The following ATF7IP variants were observed in gnomAD, a reference collection of about 807,000 sequenced individuals.
ATF7IP encodes activating transcription factor 7 interacting protein.
A neutral mutation model predicts 106.4 loss-of-function variants in ATF7IP; 23 were observed. The ratio of observed to expected loss-of-function variants is 0.22; its 90% CI spans 0.16 to 0.31. The LOEUF is 0.31. ATF7IP is among the 10% of genes least tolerant of loss of function. ATF7IP has a pLI of 1.00. For synonymous variants in ATF7IP, 542 were observed against 539.0 expected (o/e 1.01, Z -0.08); for missense variants, 1,334 against 1,524.3 (o/e 0.88, Z 2.08).
intron 1 of ATF7IP, among the ~76,000 whole-genome samples, chr12:14,404,426 A>G (rs1413137724): frequency 6.6e-6 from 1 of 152,180 alleles, no homozygotes; most frequent in Non-Finnish European, 1.5e-5. Context: ...AAATCAACCT[A>G]TCTTTATTAT....
chr12:14,401,873 C>G (rs565543274), intron 1 of ATF7IP, among the ~76,000 whole-genome samples: 156 of 151,768 alleles, frequency 1.0e-3, no homozygotes, highest in African/African-American at 3.6e-3. Flanking sequence ...ACCACCATGC[C>G]TGGCTAATTT....
Position 14,460,887 on chromosome 12 carries a change from C to A in ATF7IP, c.2551C>A (p.Pro851Thr). The change falls in exon 9 of 15, where the codon CCC becomes ACC. Residue 851 changes from proline to threonine, a missense_variant. By Grantham distance (38) the Pro-to-Thr change is conservative. Coordinates refer to ENST00000261168, the MANE Select transcript of ATF7IP (RefSeq NM_018179.5). ...PTKPNNVPSV[P>T]SPSIQRNPTA... ...TAAACCAAACAACGTTCCTTCTGTG[C>A]CCAGTCCTAGTATTCAAAGGAACCC... 1 of 1,614,170 alleles carries A rather than the reference C, an allele frequency of 6.2e-7. No homozygotes were observed. The highest frequency in any genetic ancestry group is 8.5e-7 in the Non-Finnish European group (1 of 1,180,024).
intron 14 of ATF7IP, 132 bp downstream of exon 14, chr12:14,496,475 T>C: frequency 3.3e-6 from 2 of 605,078 alleles, no homozygotes; most frequent in Non-Finnish European, 5.9e-6. Flanking sequence ...CAGAAGTTTA[T>C]TTCTAAAAAT....
chr12:14,427,092 T>C (rs2136566287), intron 2 of ATF7IP, among the ~76,000 whole-genome samples: 1 of 150,386 alleles, frequency 6.6e-6, no homozygotes, highest in African/African-American at 2.5e-5. Flanking sequence ...TTGCCCCTTT[T>C]AATATCTGTA....
intron 6 of ATF7IP, among the ~76,000 whole-genome samples, chr12:14,455,939 T>C (rs1482055022): frequency 6.6e-6 from 1 of 152,144 alleles, no homozygotes; most frequent in Non-Finnish European, 1.5e-5. Flanking sequence ...GAGGCCTAAA[T>C]AATGATAGTT....
chr12:14,426,823 C>CA lies in ATF7IP; in HGVS notation c.1558+1377dup, dbSNP rs1491532843. ...TGGGTGACAAAGTAAGACCCTGCCTCAAAAAAAAAAAAAAAAAAAAAAAAA... is the reference window on the plus strand; with the variant it reads ...TGGGTGACAAAGTAAGACCCTGCCTCAAAAAAAAAAAAAAAAAAAAAAAAAA... On this transcript the variant is annotated intron_variant, in intron 2 of 14. Transcript: ENST00000261168. Among the ~76,000 whole-genome samples the CA allele has an allele frequency of 4.6e-3, 74 of 16,050 alleles. 3 individuals carry two copies. Among genetic ancestry groups the CA allele is most frequent in the Non-Finnish European group, 4.0e-3 (38 of 9,616 alleles). The allele number at this position is 16,050 out of a possible 152,430, so 10.5% of individuals were successfully genotyped here.
At chr12:14,490,844 G>C (rs905284509) in intron 13 of ATF7IP, among the ~76,000 whole-genome samples, 1 of 152,148 alleles carries the variant, frequency 6.6e-6, no homozygotes, top group Non-Finnish European at 1.5e-5. Flanking sequence ...GAATGCTGCT[G>C]TGCATGACCC....
intron 1 of ATF7IP, among the ~76,000 whole-genome samples, chr12:14,380,106 C>T (rs1938936581): frequency 2.0e-5 from 3 of 152,042 alleles, no homozygotes; most frequent in Non-Finnish European, 4.4e-5. Flanking sequence ...CTTTATCATC[C>T]AGTCCTATTG....
At chr12:14,480,293 T>C (rs1162085698) in intron 12 of ATF7IP, among the ~76,000 whole-genome samples, 1 of 152,186 alleles carries the variant, frequency 6.6e-6, no homozygotes, top group East Asian at 1.9e-4. Flanking sequence ...CTAAAAATCA[T>C]TATTATAGAT....
At chr12:14,412,274 AT>A (rs758102983) in intron 1 of ATF7IP, among the ~76,000 whole-genome samples, 6 of 152,118 alleles carry the variant, frequency 3.9e-5, no homozygotes, top group African/African-American at 4.8e-5. Context: ...GGACCCTTGC[AT>A]TTTCATATTA....
Position 14,424,921 on chromosome 12 carries a change from G to T in ATF7IP, c.1006G>T (p.Asp336Tyr), listed in dbSNP as rs1390395149. The change falls in exon 2 of 15, where the codon GAT becomes TAT. Residue 336 changes from aspartate to tyrosine, a missense_variant. This residue lies in a region of ATF7IP where 438 missense variants were observed against 405.3 expected (regional missense o/e 1.08). Coordinates refer to ENST00000261168, the MANE Select transcript of ATF7IP (RefSeq NM_018179.5). The part of the protein sequence containing the change: ...LEQIQSKDSL[D>Y]EKNKADNNID... ...GCAAATTCAGAGTAAAGACTCATTG[G>T]ATGAGAAAAATAAAGCTGATAATAA... 1 of 1,604,876 alleles carries T rather than the reference G, an allele frequency of 6.2e-7. No homozygotes were observed. The highest frequency in any genetic ancestry group is 1.7e-5 in the Admixed American group (1 of 57,576).
At chr12:14,457,147 C>G in intron 7 of ATF7IP, 60 bp from the exon 8 acceptor site, 1 of 1,374,526 alleles carries the variant, frequency 7.3e-7, no homozygotes, top group Non-Finnish European at 1.0e-6. Context: ...TTCTAGATAT[C>G]AGTTGGTATT....
intron 1 of ATF7IP, among the ~76,000 whole-genome samples, chr12:14,377,559 G>T (rs1322727394): frequency 6.6e-6 from 1 of 151,312 alleles, no homozygotes; most frequent in Non-Finnish European, 1.5e-5. Context: ...GTTTCACTGT[G>T]TTAGCCAGGA....
chr12:14,400,585 C>T (rs913000295), intron 1 of ATF7IP, among the ~76,000 whole-genome samples: 3 of 151,078 alleles, frequency 2.0e-5, no homozygotes, highest in African/African-American at 7.3e-5. Flanking sequence ...TTTTTAATTC[C>T]TGGGATATTA....
chr12:14,399,782 C>T (rs1464940683), intron 1 of ATF7IP, among the ~76,000 whole-genome samples: 1 of 151,948 alleles, frequency 6.6e-6, no homozygotes, highest in Admixed American at 6.6e-5. Context: ...TACTAATTAG[C>T]TAGTGTTTTT....
At chr12:14,378,905 T>G (rs1163338932) in intron 1 of ATF7IP, among the ~76,000 whole-genome samples, 1 of 152,224 alleles carries the variant, frequency 6.6e-6, no homozygotes, top group Non-Finnish European at 1.5e-5. Context: ...ACACAATTCC[T>G]CAGGTATGGT....
At chr12:14,413,420 A>C (rs1163450850) in intron 1 of ATF7IP, among the ~76,000 whole-genome samples, 4 of 152,188 alleles carry the variant, frequency 2.6e-5, no homozygotes, top group African/African-American at 9.6e-5. Flanking sequence ...GTGATCTTAA[A>C]TGGCATCTCC....
intron 1 of ATF7IP, among the ~76,000 whole-genome samples, chr12:14,411,976 G>A (rs114226993): frequency 0.018 from 2,720 of 152,164 alleles, 85 homozygotes; most frequent in African/African-American, 0.062. Flanking sequence ...GCAAGAAATA[G>A]GACTCCAACT....
In ATF7IP at chr12:14,501,032, G is replaced by C. The variant is rs1409605909; in HGVS notation, c.*2959G>C. The stretch of plus-strand genomic sequence containing the variant: ...CAGCAGCTATATTAGATTTACTAGA[G>C]GTGCTAAGTTAGAACACTAGGCTTT... On this transcript the variant is annotated 3_prime_UTR_variant, in exon 15 of 15. Coordinates refer to ENST00000261168, the MANE Select transcript of ATF7IP (RefSeq NM_018179.5). 6.6e-6 allele frequency: 1 copy of C among 152,162 alleles called. No homozygotes were observed. The highest frequency in any genetic ancestry group is 1.5e-5 in the Non-Finnish European group (1 of 68,020). The allele number at this position is 152,162 out of a possible 1,614,324, so 9.4% of individuals were successfully genotyped here.
Sources: allele counts gnomAD v4.1 joint callset (sites outside exome capture counted in the v4.1 genomes callset), GRCh38; gene constraint gnomAD v4.1.1; regional missense constraint gnomAD v4.1.1; transcripts MANE v1.5; gene names NCBI Gene and HGNC (gene_info 2026-07-23, HGNC 2026-07-21).